The following PTPN3 variants were observed in gnomAD, a reference collection of about 807,000 sequenced individuals.
PTPN3 encodes the protein protein tyrosine phosphatase non-receptor type 3.
In PTPN3, 96 loss-of-function variants were observed where a neutral mutation model predicts 132.7. That is an observed-to-expected ratio of 0.72 (90% CI 0.61 to 0.86). PTPN3 has a LOEUF of 0.86. Ranked by LOEUF, PTPN3 falls within the 40% of genes least tolerant of loss-of-function variation. The pLI is 0.00. For missense variants in PTPN3, 1,125 were observed against 1,159.6 expected, an observed-to-expected ratio of 0.97 and a Z score of 0.43; for synonymous variants, 398 against 429.0, an observed-to-expected ratio of 0.93 and a Z score of 0.89.
At chr9:109,429,109 T>A in intron 10 of PTPN3, 1 of 943,128 alleles carries the variant, frequency 1.1e-6, no homozygotes, top group Non-Finnish European at 1.3e-6. Flanking sequence ...CTACTTAACA[T>A]TTGCAAGATA....
At chr9:109,498,713 G>C (rs1303151374), upstream of PTPN3, among the ~76,000 whole-genome samples, 2 of 152,172 alleles carry the variant, frequency 1.3e-5, no homozygotes, top group Admixed American at 6.5e-5. The surrounding 1 kb of genome is among the most constrained non-coding windows in gnomAD (Gnocchi z 4.2). Context: ...AAGCTTCCCT[G>C]GTTAAACCTC....
At chr9:109,402,049 C>T (rs890035987) in intron 19 of PTPN3, among the ~76,000 whole-genome samples, 25 of 152,316 alleles carry the variant, frequency 1.6e-4, no homozygotes, top group Non-Finnish European at 2.5e-4. Flanking sequence ...CTCCTTCCCT[C>T]ATCAGGTTCC....
At chr9:109,534,632 C>CAAAAAAAAAAA in the PTPN3 span, among the ~76,000 whole-genome samples, 111 of 108,554 alleles carry the variant, frequency 1.0e-3, no homozygotes, top group South Asian at 1.5e-3. Flanking sequence ...CAAAAAAATA[C>CAAAAAAAAAAA]AAAAAAAAAA....
At chr9:109,526,017 A>C in the PTPN3 span, among the ~76,000 whole-genome samples, 1 of 152,236 alleles carries the variant, frequency 6.6e-6, no homozygotes, top group Non-Finnish European at 1.5e-5. Flanking sequence ...TAGCAAAGGA[A>C]CTGAATGCAA....
chr9:109,493,155 C>G (rs1215414751), intron 1 of PTPN3, among the ~76,000 whole-genome samples: 1 of 152,188 alleles, frequency 6.6e-6, no homozygotes, highest in Non-Finnish European at 1.5e-5. Flanking sequence ...GTGATTCCAG[C>G]ACTTTGAGAG....
chr9:109,529,349 G>T, the PTPN3 span, among the ~76,000 whole-genome samples: 1 of 152,136 alleles, frequency 6.6e-6, no homozygotes, highest in Non-Finnish European at 1.5e-5. Flanking sequence ...CTCTGGGCTG[G>T]GGCACAGCAA....
In PTPN3 at chr9:109,409,997, A is replaced by C; in HGVS notation, c.1578+2T>G. The C allele has an allele frequency of 6.2e-7, 1 of 1,614,086 alleles. No homozygotes were observed. The highest frequency in any genetic ancestry group is 8.5e-7 in the Non-Finnish European group (1 of 1,179,980). Reference sequence around the variant, plus strand: ...AACTTCCTTTATAAATACACAACATACCTTAAGATTAAATCCAAATTTTCC... The same window carrying C: ...AACTTCCTTTATAAATACACAACATCCCTTAAGATTAAATCCAAATTTTCC... On this transcript the variant is annotated splice_donor_variant, in intron 16 of 25. Transcript: ENST00000374541. LOFTEE classifies it high-confidence loss of function.
Position 109,420,572 on chromosome 9 carries a change from G to T in PTPN3, c.1165C>A (p.Arg389=). Residue 389 remains arginine, a synonymous_variant, in exon 14 of 26, where the codon CGA becomes AGA. Coordinates refer to ENST00000374541, the MANE Select transcript of PTPN3 (RefSeq NM_002829.4). The part of the protein sequence containing the change: ...WRSPRLRHEI[R]KPRHSSADNL... ...TCTGCAGAAGAGTGGCGTGGCTTTC[G>T]GATTTCGTGCCGGAGCCGAGGACTT... 1 of 1,611,400 alleles carries T rather than the reference G, an allele frequency of 6.2e-7. No homozygotes were observed. The highest frequency in any genetic ancestry group is 8.5e-7 in the Non-Finnish European group (1 of 1,178,964).
chr9:109,533,746 A>G, the PTPN3 span: 1 of 1,439,102 alleles, frequency 6.9e-7, no homozygotes, highest in South Asian at 1.3e-5. Context: ...GCATGTAGGA[A>G]GGTGGGAACC....
the PTPN3 span, among the ~76,000 whole-genome samples, chr9:109,535,312 C>T: frequency 6.6e-6 from 1 of 152,256 alleles, no homozygotes; most frequent in East Asian, 1.9e-4. Context: ...GTCCAGGAAC[C>T]TCCCTGCTGT....
At position 109,479,054 on chromosome 9, in the gene PTPN3, C is replaced by T. The variant is rs1010496161; in HGVS notation, c.-17-15603G>A. Among the ~76,000 whole-genome samples the T allele has an allele frequency of 2.0e-5, 3 of 151,342 alleles. No individual in the cohort carries two copies. In the East Asian group the frequency reaches 5.8e-4, roughly 29 times the overall value. ...TAAAATATATAGGACCTAACGCTTG[C>T]CATTTTAGCCATTTTTAAGTGTACA... is the stretch of plus-strand genomic sequence containing the variant. On this transcript the variant is annotated intron_variant, in intron 1 of 25. Coordinates refer to ENST00000374541, the MANE Select transcript of PTPN3 (RefSeq NM_002829.4).
the PTPN3 span, among the ~76,000 whole-genome samples, chr9:109,533,126 A>ATTT: frequency 0.049 from 1,798 of 36,496 alleles, 347 homozygotes; most frequent in East Asian, 0.076. Context: ...TACCTGGCTA[A>ATTT]TTTTTTTTTT....
chr9:109,468,353 GT>G lies in PTPN3; in HGVS notation c.-17-4903del, dbSNP rs375973137. Among the ~76,000 whole-genome samples, 897 of 148,710 alleles carry G rather than the reference GT, an allele frequency of 6.0e-3. 2 individuals carry two copies. Among genetic ancestry groups the G allele is most frequent in the Middle Eastern group, 0.018 (5 of 284 alleles). On this transcript the variant is annotated intron_variant, in intron 1 of 25. Transcript: ENST00000374541. Reference sequence around the variant, plus strand: ...CAAACGAAGCTCTATTGTGGATACAGTTTTTTTTTTTGTTTGTTTGTTTGTT... The same window carrying G: ...CAAACGAAGCTCTATTGTGGATACAGTTTTTTTTTTGTTTGTTTGTTTGTT...
At chr9:109,538,115 T>C in the PTPN3 span, among the ~76,000 whole-genome samples, 4 of 152,234 alleles carry the variant, frequency 2.6e-5, no homozygotes, top group Admixed American at 6.5e-5. Flanking sequence ...ATTACAGTTT[T>C]AGTATGCTTC....
At chr9:109,534,022 A>T in the PTPN3 span, 1 of 768,604 alleles carries the variant, frequency 1.3e-6, no homozygotes, top group Non-Finnish European at 2.4e-6. Flanking sequence ...CTCCATTTCT[A>T]CACTGCGAAG....
chr9:109,454,404 T>C, intron 5 of PTPN3, 92 bp downstream of exon 5: 1 of 1,083,052 alleles, frequency 9.2e-7, no homozygotes, highest in Non-Finnish European at 1.4e-6. Context: ...CCAAATGAAG[T>C]TATTTGGCCA....
intron 1 of PTPN3, among the ~76,000 whole-genome samples, chr9:109,481,939 T>C (rs1256299748): frequency 6.6e-6 from 1 of 152,122 alleles, no homozygotes; most frequent in Non-Finnish European, 1.5e-5. Flanking sequence ...GCTGGGACAT[T>C]GTGTACAGTC....
intron 10 of PTPN3, among the ~76,000 whole-genome samples, chr9:109,429,707 G>C (rs898469531): frequency 6.6e-6 from 1 of 152,184 alleles, no homozygotes; most frequent in African/African-American, 2.4e-5. Flanking sequence ...ACAAGTCTGT[G>C]TAGATTTCGG....
intron 17 of PTPN3, 95 bp from the exon 18 acceptor site, chr9:109,406,713 AT>A (rs1841598261): frequency 1.3e-6 from 2 of 1,511,888 alleles, no homozygotes; most frequent in African/African-American, 2.7e-5. Context: ...ACCTGGGACC[AT>A]GATCAAGTTT....
Sources: allele counts gnomAD v4.1 joint callset (sites outside exome capture counted in the v4.1 genomes callset), GRCh38; gene constraint gnomAD v4.1.1; non-coding constraint Gnocchi (gnomAD v3.1); transcripts MANE v1.5; gene names NCBI Gene and HGNC (gene_info 2026-07-23, HGNC 2026-07-21).